ATM: variants seen among roughly 807,000 people sequenced by gnomAD.
ATM encodes ATM serine/threonine kinase.
A neutral mutation model predicts 387.0 loss-of-function variants in ATM; 308 were observed. The observed-to-expected ratio is 0.80, with a 90% CI of 0.73 to 0.87. The LOEUF is 0.87. Among genes scored for constraint, ATM ranks in the 40% least tolerant of loss-of-function variants. The pLI is 0.00. For missense variants in ATM, 3,312 were observed against 3,560.9 expected (o/e 0.93, Z 1.78); for synonymous variants, 1,156 against 1,187.3 (o/e 0.97, Z 0.54).
In ATM at chr11:108,317,474, C is replaced by G. The variant is rs1591789955; in HGVS notation, c.6300C>G (p.Tyr2100Ter). ...GTCCTGAACTAGAAGAACTTCATTA[C>G]CAAGCAGCATGGAGGAATATGCAGT... ...DWCPELEELH[Y>*]QAAWRNMQWD... The change falls in exon 43 of 63, where the codon TAC becomes TAG. Residue 2100 changes from tyrosine (Y) to a stop codon, truncating the protein, a stop_gained. Coordinates refer to ENST00000675843, the MANE Select transcript of ATM (RefSeq NM_000051.4). LOFTEE classifies it high-confidence loss of function. 6.2e-7 allele frequency: 1 copy of G among 1,611,720 alleles called. No homozygotes were observed. Among genetic ancestry groups the G allele is most frequent in the Non-Finnish European group, 8.5e-7 (1 of 1,179,424 alleles).
chr11:108,283,590 A>C (rs113101761), intron 25 of ATM, among the ~76,000 whole-genome samples: 1,719 of 152,318 alleles, frequency 0.011, 24 homozygotes, highest in African/African-American at 0.038. Context: ...TTTAAGAAGG[A>C]TATTCCTACA....
At chr11:108,253,009 T>G in intron 12 of ATM, 97 bp downstream of exon 12, 1 of 1,104,916 alleles carries the variant, frequency 9.1e-7, no homozygotes, top group Non-Finnish European at 1.3e-6. Context: ...TTAATAATTG[T>G]AAACTAAATT....
In ATM at chr11:108,321,085, ACT is replaced by A. The variant is rs773328219; in HGVS notation, c.6453-213_6453-212del. ...TCTCAGGGGTGGCAAGGTGGGAGAA[ACT>A]CTGAGTGTAAGTGGACCATGCATTT... On this transcript the variant is annotated intron_variant, in intron 44 of 62. Coordinates refer to ENST00000675843, the MANE Select transcript of ATM (RefSeq NM_000051.4). 2.6e-5 allele frequency among the ~76,000 whole-genome samples: 4 copies of A among 152,168 alleles called. No homozygotes were observed. In the East Asian group the frequency reaches 7.7e-4, roughly 29 times the overall value.
Position 108,347,304 on chromosome 11 carries a change from T to TA in ATM, c.8611dup (p.Arg2871LysfsTer10). 1 of 1,611,440 alleles carries TA rather than the reference T, an allele frequency of 6.2e-7. No individual in the cohort carries two copies. Among genetic ancestry groups the TA allele is most frequent in the South Asian group, 1.1e-5 (1 of 91,032 alleles). On this transcript the variant is annotated frameshift_variant, in exon 59 of 63. Coordinates refer to ENST00000675843, the MANE Select transcript of ATM (RefSeq NM_000051.4). LOFTEE classifies it high-confidence loss of function. ...TTGGTTACATACTTGGACTTGGTGA[T>TA]AGACATGTACAGAATATCTTGATAA...
At chr11:108,234,358 A>C (rs4987908) in intron 4 of ATM, among the ~76,000 whole-genome samples, 3,996 of 152,320 alleles carry the variant, frequency 0.026, 184 homozygotes, top group African/African-American at 0.091. Context: ...TATGGCAATA[A>C]ATATATTCAA....
chr11:108,280,301 A>C (rs2082165250), intron 23 of ATM, among the ~76,000 whole-genome samples: 1 of 152,126 alleles, frequency 6.6e-6, no homozygotes, highest in Non-Finnish European at 1.5e-5. Context: ...GAAAATACTG[A>C]TCTGACAGCA....
Position 108,301,818 on chromosome 11 carries a change from T to C in ATM, c.5319+29T>C, listed in dbSNP as rs746785712. ...TCTTAAGTAATAAATGTTTATTGAA[T>C]ACCCAGCATATCTAAAACAGTTCTG... On this transcript the variant is annotated intron_variant, in intron 35 of 62. Transcript: ENST00000675843. 33 of 1,608,586 alleles carry C rather than the reference T, an allele frequency of 2.1e-5. 1 individual carries two copies. In the South Asian group the frequency reaches 3.5e-4, roughly 17 times the overall value.
intron 27 of ATM, among the ~76,000 whole-genome samples, chr11:108,288,072 TTTTC>T (rs1433757713): frequency 3.9e-5 from 6 of 151,964 alleles, no homozygotes; most frequent in African/African-American, 1.5e-4. Context: ...CTAGATCACC[TTTTC>T]TTTTTTTTTT....
At chr11:108,236,937 CAA>C (rs1232139003) in intron 5 of ATM, among the ~76,000 whole-genome samples, 3 of 151,806 alleles carry the variant, frequency 2.0e-5, no homozygotes, top group Non-Finnish European at 4.4e-5. Context: ...AGTCAGGTGT[CAA>C]AGTCTTCTAA....
intron 25 of ATM, among the ~76,000 whole-genome samples, chr11:108,283,489 C>T (rs1188385805): frequency 6.6e-6 from 1 of 152,152 alleles, no homozygotes; most frequent in African/African-American, 2.4e-5. Context: ...CTTTGCTATG[C>T]ATTTTACATG....
At position 108,287,661 on chromosome 11, in the gene ATM, A is replaced by G. The variant is rs925124248; in HGVS notation, c.4055A>G (p.His1352Arg). ...EIVVELLMTL[H>R]EPANSSASQS... ...GTGGTGGAGTTATTGATGACGTTAC[A>G]TGAGCCAGCAAATTCTAGTGCCAGT... The change falls in exon 27 of 63, where the codon CAT (histidine) becomes CGT (arginine). Residue 1352 changes from histidine to arginine, a missense_variant. This residue lies in a region of ATM where 1,791 missense variants were observed against 1,804.5 expected (regional missense o/e 0.99). Transcript: ENST00000675843. The G allele has an allele frequency of 1.9e-6, 3 of 1,613,794 alleles. No individual in the cohort carries two copies. Among genetic ancestry groups the G allele is most frequent in the Middle Eastern group, 1.6e-4 (1 of 6,082 alleles).
chr11:108,339,394 G>A (rs2087234032), intron 56 of ATM, among the ~76,000 whole-genome samples: 1 of 151,964 alleles, frequency 6.6e-6, no homozygotes, highest in African/African-American at 2.4e-5. Context: ...CTCAGTCATG[G>A]TTCTGGGGAG....
At chr11:108,226,288 ACCTC>A (rs934754580) in intron 1 of ATM, 64 of 152,026 alleles carry the variant, frequency 4.2e-4, no homozygotes, top group African/African-American at 1.5e-3. Flanking sequence ...TTCAAGCCAT[ACCTC>A]CCTTTCTTTC....
At chr11:108,257,752 TG>T (rs2080598430) in intron 15 of ATM, 146 bp downstream of exon 15, 1 of 839,394 alleles carries the variant, frequency 1.2e-6, no homozygotes, top group African/African-American at 1.7e-5. Flanking sequence ...CCCAAGTAAT[TG>T]GGACTACAGG....
rs1472760933 is a variant in ATM at position 108,259,015 on chromosome 11, T to C, written c.2406T>C (p.Phe802=). The C allele has an allele frequency of 6.2e-7, 1 of 1,613,936 alleles. No individual in the cohort carries two copies. The highest frequency in any genetic ancestry group is 1.7e-5 in the Admixed American group (1 of 60,026). ...KKSPNKIASG[F]FLRLLTSKLM... ...GTCCAAATAAGATTGCATCTGGCTTTTTCCTGCGATTGTTAACATCAAAGC... is the reference window on the plus strand; with the variant it reads ...GTCCAAATAAGATTGCATCTGGCTTCTTCCTGCGATTGTTAACATCAAAGC... Residue 802 remains phenylalanine, a synonymous_variant, in exon 16 of 63, where the codon TTT becomes TTC. Coordinates refer to ENST00000675843, the MANE Select transcript of ATM (RefSeq NM_000051.4).
At chr11:108,296,702 T>C (rs1055355355) in intron 32 of ATM, among the ~76,000 whole-genome samples, 9 of 152,252 alleles carry the variant, frequency 5.9e-5, no homozygotes, top group African/African-American at 1.2e-4. Flanking sequence ...ACTTGTGTTC[T>C]TGAGTATTTT....
intron 57 of ATM, among the ~76,000 whole-genome samples, chr11:108,345,078 A>G (rs2088148581): frequency 6.6e-6 from 1 of 152,102 alleles, no homozygotes; most frequent in Non-Finnish European, 1.5e-5. Context: ...AGCTGGGTAG[A>G]TGGTGAAGCT....
At position 108,350,094 on chromosome 11, in the gene ATM, A is replaced by AC. The variant is rs1565573054; in HGVS notation, c.8671+2731dup. Among the ~76,000 whole-genome samples the AC allele has an allele frequency of 4.6e-5, 7 of 152,340 alleles. No individual in the cohort carries two copies. In the South Asian group the frequency reaches 1.5e-3, roughly 32 times the overall value. On this transcript the variant is annotated intron_variant, in intron 59 of 62. Transcript: ENST00000675843. ...TTCTAAAATTTACCATGGAAATGAG[A>AC]CCAAGACCTGACTAGAAAGGGATAA... is the stretch of plus-strand genomic sequence containing the variant.
chr11:108,251,101 T>C (rs2080125079), intron 10 of ATM, 29 bp downstream of exon 10: 3 of 1,613,362 alleles, frequency 1.9e-6, no homozygotes, highest in Non-Finnish European at 2.5e-6. Context: ...ATGTCTGACT[T>C]ACAGATAAAC....
Sources: gnomAD v4.1 joint callset for allele counts (sites outside exome capture counted in the v4.1 genomes callset) on GRCh38, gnomAD v4.1.1 for gene constraint, gnomAD v4.1.1 regional missense constraint, MANE v1.5 for transcripts, NCBI Gene and HGNC (gene_info 2026-07-23, HGNC 2026-07-21) for gene names.